TENT4B: variants seen among roughly 807,000 people sequenced by gnomAD.
TENT4B encodes terminal nucleotidyltransferase 4B.
A neutral mutation model predicts 75.0 loss-of-function variants in TENT4B; 10 were observed. The ratio of observed to expected loss-of-function variants is 0.13; its 90% CI spans 0.08 to 0.23. TENT4B has a LOEUF of 0.23. Ranked by LOEUF, TENT4B falls within the 10% of genes least tolerant of loss-of-function variation. The pLI, the probability that TENT4B is intolerant of heterozygous loss-of-function variation, is 1.00. For missense variants in TENT4B, 579 were observed against 893.8 expected (o/e 0.65, Z 4.49); for synonymous variants, 350 against 357.7 (o/e 0.98, Z 0.24).
chr16:50,153,282 C>T (rs1213609896), upstream of TENT4B, among the ~76,000 whole-genome samples: 1 of 137,836 alleles, frequency 7.3e-6, no homozygotes, highest in African/African-American at 2.7e-5. Flanking sequence ...CTCGCTGCCG[C>T]CGCTGCCGCC....
intron 1 of TENT4B, among the ~76,000 whole-genome samples, chr16:50,208,760 T>C (rs1052444912): frequency 6.6e-6 from 1 of 152,110 alleles, no homozygotes; most frequent in Non-Finnish European, 1.5e-5. Flanking sequence ...TGAGACAAAG[T>C]CTCACTCCAT....
intron 5 of TENT4B, 112 bp downstream of exon 5, chr16:50,217,775 T>TCTCTCTCTCTCTC (rs1555512101): frequency 1.2e-4 from 77 of 632,776 alleles, no homozygotes; most frequent in Middle Eastern, 7.7e-4. Flanking sequence ...TCTCTCTCTC[T>TCTCTCTCTCTCTC]TTTAAATAGA....
Position 50,187,308 on chromosome 16 carries a change from C to T in TENT4B, c.639-24015C>T, listed in dbSNP as rs891081855. On this transcript the variant is annotated intron_variant, in intron 1 of 11. Coordinates refer to ENST00000561678, the MANE Select transcript of TENT4B (RefSeq NM_001365324.3). The stretch of plus-strand genomic sequence containing the variant: ...TGAGAGTCACACTTGAGGCTCTGGG[C>T]GCAGTGGCTCACGCCTGTAATCCCA... Among the ~76,000 whole-genome samples the T allele has an allele frequency of 9.2e-5, 14 of 152,174 alleles. No individual in the cohort carries two copies. The South Asian group carries it at 2.3e-3, about 25-fold the overall frequency.
At chr16:50,155,223 G>C (rs773532112) in intron 1 of TENT4B, among the ~76,000 whole-genome samples, 1 of 149,538 alleles carries the variant, frequency 6.7e-6, no homozygotes, top group Non-Finnish European at 1.5e-5. Context: ...TGCTGGAATA[G>C]GTCACTGAAT....
intron 1 of TENT4B, among the ~76,000 whole-genome samples, chr16:50,208,288 T>C (rs980169658): frequency 7.2e-5 from 11 of 152,238 alleles, no homozygotes; most frequent in African/African-American, 2.4e-4. Flanking sequence ...TTGAGGGTAG[T>C]CTTCAGAGCC....
intron 1 of TENT4B, among the ~76,000 whole-genome samples, chr16:50,206,393 G>GTTAT (rs1384886122): frequency 2.7e-5 from 3 of 112,364 alleles, no homozygotes; most frequent in Non-Finnish European, 5.3e-5. Flanking sequence ...GGCATGTCCT[G>GTTAT]TTATTGACAG....
At chr16:50,224,558 G>C (rs150950974) in intron 7 of TENT4B, 99 bp from the exon 8 acceptor site, 1 of 1,463,498 alleles carries the variant, frequency 6.8e-7, no homozygotes, top group Non-Finnish European at 9.3e-7. Flanking sequence ...AACTCTGGTG[G>C]GATAACTATG....
chr16:50,185,656 G>A (rs780034045), intron 1 of TENT4B, among the ~76,000 whole-genome samples: 1 of 152,154 alleles, frequency 6.6e-6, no homozygotes, highest in Non-Finnish European at 1.5e-5. Context: ...GCAGAGTAAC[G>A]TATCGAAGCT....
intron 1 of TENT4B, among the ~76,000 whole-genome samples, chr16:50,179,551 C>T (rs2038373158): frequency 6.6e-6 from 1 of 152,066 alleles, no homozygotes; most frequent in Non-Finnish European, 1.5e-5. Flanking sequence ...TGAGGTTAAT[C>T]TGATATTTGC....
intron 1 of TENT4B, among the ~76,000 whole-genome samples, chr16:50,162,778 A>C (rs1179773610): frequency 1.3e-5 from 2 of 152,164 alleles, no homozygotes; most frequent in Admixed American, 1.3e-4. Context: ...CATGAAGTAG[A>C]TCTTTAGCCT....
chr16:50,209,622 G>A (rs1350637958), intron 1 of TENT4B, among the ~76,000 whole-genome samples: 1 of 152,232 alleles, frequency 6.6e-6, no homozygotes, highest in East Asian at 1.9e-4. Flanking sequence ...CATCCTCTAC[G>A]AAAGGCCCAG....
At position 50,229,432 on chromosome 16, in the gene TENT4B, C is replaced by T. The variant is rs1567516823; in HGVS notation, c.*104C>T. 1.3e-5 allele frequency: 18 copies of T among 1,378,838 alleles called. No homozygotes were observed. In the Admixed American group the frequency reaches 1.9e-4, roughly 15 times the overall value. 85.4% of individuals were successfully genotyped at this position (1,378,838 alleles called of 1,614,324 possible). A position where few individuals can be genotyped will look rare whatever the true frequency, so the allele number is the denominator to read the frequency against. ...ATTCAGGAGCCTCACACTGTTCAGA[C>T]GTTGACTTAGCAACTGCGTTTTTTC... is the stretch of plus-strand genomic sequence containing the variant. On this transcript the variant is annotated 3_prime_UTR_variant, in exon 12 of 12. Transcript: ENST00000561678.
chr16:50,174,985 C>T (rs1457945151), intron 1 of TENT4B, among the ~76,000 whole-genome samples: 1 of 152,042 alleles, frequency 6.6e-6, no homozygotes, highest in Non-Finnish European at 1.5e-5. Context: ...TCCTGATCCA[C>T]CCGCCTCAGC....
intron 1 of TENT4B, among the ~76,000 whole-genome samples, chr16:50,206,222 C>T (rs1233803047): frequency 3.3e-5 from 5 of 152,006 alleles, no homozygotes; most frequent in Admixed American, 2.0e-4. Flanking sequence ...TAAACATTAT[C>T]GTTTGTTAGT....
At chr16:50,190,730 T>G (rs191627407) in intron 1 of TENT4B, among the ~76,000 whole-genome samples, 1 of 152,228 alleles carries the variant, frequency 6.6e-6, no homozygotes, top group Admixed American at 6.5e-5. Flanking sequence ...ATTTACTATC[T>G]TAACCATTTA....
chr16:50,232,873 A>G lies in TENT4B; in HGVS notation c.*3545A>G, dbSNP rs2032337199. The G allele has an allele frequency of 1.0e-6, 1 of 985,212 alleles. No individual in the cohort carries two copies. Among genetic ancestry groups the G allele is most frequent in the Admixed American group, 6.1e-5 (1 of 16,262 alleles). The allele number at this position is 985,212 out of a possible 1,614,324, so 61.0% of individuals were successfully genotyped here. On this transcript the variant is annotated 3_prime_UTR_variant, in exon 12 of 12. Transcript: ENST00000561678. ...TTTCTCAGTGTTTCTGTCACTAACC[A>G]AGAATGTTTCTAGGCAGTTGGTTGC...
At chr16:50,157,732 T>A (rs2037927901) in intron 1 of TENT4B, among the ~76,000 whole-genome samples, 1 of 151,994 alleles carries the variant, frequency 6.6e-6, no homozygotes, top group Admixed American at 6.6e-5. Context: ...GTGCTGGGAT[T>A]ACAGGTGTGA....
At chr16:50,182,646 G>A (rs1423093075) in intron 1 of TENT4B, among the ~76,000 whole-genome samples, 1 of 151,910 alleles carries the variant, frequency 6.6e-6, no homozygotes, top group East Asian at 1.9e-4. Flanking sequence ...AACATGCCAA[G>A]GTTTACTTAA....
intron 11 of TENT4B, 46 bp downstream of exon 11, chr16:50,228,049 A>G (rs1425587470): frequency 6.4e-7 from 1 of 1,573,090 alleles, no homozygotes; most frequent in Non-Finnish European, 8.6e-7. Context: ...GATACAAAAT[A>G]TTTAGAATTT....
Sources: gnomAD v4.1 joint callset for allele counts (sites outside exome capture counted in the v4.1 genomes callset) on GRCh38, gnomAD v4.1.1 for gene constraint, MANE v1.5 for transcripts, NCBI Gene and HGNC (gene_info 2026-07-23, HGNC 2026-07-21) for gene names.